Variants in DYRK1B observed in about 807,000 individuals in gnomAD.
The protein encoded by DYRK1B is dual specificity tyrosine-phosphorylation-regulated kinase 1B.
A neutral mutation model predicts 57.1 loss-of-function variants in DYRK1B; 20 were observed. The ratio of observed to expected loss-of-function variants is 0.35; its 90% confidence interval spans 0.25 to 0.51. DYRK1B has a LOEUF of 0.51. DYRK1B is among the 20% of genes least tolerant of loss of function. DYRK1B has a pLI of 0.96. For synonymous variants in DYRK1B, 409 were observed against 384.7 expected, an observed-to-expected ratio of 1.06 and a Z score of -0.74; for missense variants, 732 against 886.3, an observed-to-expected ratio of 0.83 and a Z score of 2.21.
In DYRK1B at chr19:39,831,934, G is replaced by T. The variant is rs949749004; in HGVS notation, c.-67C>A. On this transcript the variant is annotated 5_prime_UTR_variant, in exon 2 of 11. Transcript: ENST00000323039. ...GAGCCCGGCCGGGGGGCGCCTTCTT[G>T]CATCCTGCACCTCGGCTGCCACCGC... The T allele has an allele frequency of 4.9e-6, 7 of 1,436,218 alleles. No homozygotes were observed. In the African/African-American group the frequency reaches 1.0e-4, roughly 21 times the overall value. The allele number at this position is 1,436,218 out of a possible 1,614,324, so 89.0% of individuals were successfully genotyped here.
chr19:39,831,278 C>G (rs970687268), intron 2 of DYRK1B, among the ~76,000 whole-genome samples: 3 of 152,046 alleles, frequency 2.0e-5, no homozygotes, highest in African/African-American at 7.3e-5. Context: ...CCACTTCATC[C>G]TGCTTCAAGC....
chr19:39,832,008 G>A (rs755467496), intron 1 of DYRK1B, 40 bp from the exon 2 acceptor site: 5 of 1,407,328 alleles, frequency 3.6e-6, no homozygotes, highest in Non-Finnish European at 4.6e-6. Context: ...CATGGAACAA[G>A]GGGATATGTG....
chr19:39,828,436 G>A lies in DYRK1B; in HGVS notation c.668C>T (p.Thr223Met), dbSNP rs147484701. The change falls in exon 6 of 11, where the codon ACG becomes ATG. Residue 223 changes from threonine to methionine, a missense_variant. By Grantham distance (81) the Thr-to-Met change is moderately conservative. Transcript: ENST00000323039. This position sits in a 1 kb window ranked among gnomAD's most constrained non-coding sequence, Gnocchi z 4.3. ...LTRKLAQQLC[T>M]ALLFLATPEL... ...AGGCGTGGCCAGAAAGAGCAGTGCCGTGCAGAGCTGCTGCGCCAGCTTCCG... is the reference window on the plus strand; with the variant it reads ...AGGCGTGGCCAGAAAGAGCAGTGCCATGCAGAGCTGCTGCGCCAGCTTCCG... 7.4e-5 allele frequency: 119 copies of A among 1,613,856 alleles called. No homozygotes were observed. The highest frequency in any genetic ancestry group is 6.6e-4 in the Middle Eastern group (4 of 6,062).
Position 39,827,540 on chromosome 19 carries a change from G to GGTGTGC in DYRK1B, c.918_923dup (p.His307_Thr308dup). 1 of 1,614,030 alleles carries GGTGTGC rather than the reference G, an allele frequency of 6.2e-7. No individual in the cohort carries two copies. The highest frequency in any genetic ancestry group is 8.5e-7 in the Non-Finnish European group (1 of 1,179,960). On this transcript the variant is annotated inframe_insertion, in exon 7 of 11. Transcript: ENST00000323039. ...TGGAGCCACTGAAGAGGGGCTCTCC[G>GGTGTGC]GTGTGCATCTCCACAAGGATGCAGC... is the stretch of plus-strand genomic sequence containing the variant.
chr19:39,826,111 T>C lies in DYRK1B; in HGVS notation c.1519-25A>G. On this transcript the variant is annotated intron_variant, in intron 10 of 10. Transcript: ENST00000323039. This position sits in a 1 kb window ranked among gnomAD's most constrained non-coding sequence, Gnocchi z 6.3. ...CCTAAAAAAGCAAAGGAGCCATGGG[T>C]GATGGAGACCCTGGTCTCTAAGCCC... is the stretch of plus-strand genomic sequence containing the variant. 6.5e-7 allele frequency: 1 copy of C among 1,542,054 alleles called. No homozygotes were observed. The highest frequency in any genetic ancestry group is 1.4e-5 in the African/African-American group (1 of 71,766).
intron 8 of DYRK1B, 127 bp downstream of exon 8, chr19:39,827,158 G>C: frequency 7.6e-7 from 1 of 1,319,958 alleles, no homozygotes; most frequent in East Asian, 2.5e-5. Flanking sequence ...AGGGGAGGAA[G>C]GAAAGGACAG....
Position 39,826,730 on chromosome 19 carries a change from C to G in DYRK1B, c.1353G>C (p.Ser451=). Reference sequence around the variant, plus strand: ...AGGGGCAGGTGTCGAGGGGCGCGGGCGAGGTGGAGGCACTGCTGCCTGCCG... The same window carrying G: ...AGGGGCAGGTGTCGAGGGGCGCGGGGGAGGTGGAGGCACTGCTGCCTGCCG... ...TGPAGSSAST[S]PAPLDTCPSS... The change falls in exon 9 of 11, where the codon TCG becomes TCC. Residue 451 remains serine (S), a synonymous_variant. Coordinates refer to ENST00000323039, the MANE Select transcript of DYRK1B (RefSeq NM_004714.3). The surrounding 1 kb of genome is among the most constrained non-coding windows in gnomAD (Gnocchi z 6.3). 6.2e-7 allele frequency: 1 copy of G among 1,600,654 alleles called. No individual in the cohort carries two copies.
chr19:39,826,968 G>C lies in DYRK1B; in HGVS notation c.1115C>G (p.Thr372Arg). The change falls in exon 9 of 11, where the codon ACA becomes AGA. Residue 372 changes from threonine to arginine, a missense_variant. Transcript: ENST00000323039. The surrounding 1 kb of genome is among the most constrained non-coding windows in gnomAD (Gnocchi z 6.3). ...ELRKDYQGPGTRRLQEVLGVQ... is the reference protein window; with the variant it reads ...ELRKDYQGPGRRRLQEVLGVQ... ...GCCCAGCACCTCCTGCAGCCGCCGT[G>C]TCCCGGGGCCCTGGTAATCCTGGCA... is the stretch of plus-strand genomic sequence containing the variant. 6.9e-7 allele frequency: 1 copy of C among 1,446,602 alleles called. No homozygotes were observed. Among genetic ancestry groups the C allele is most frequent in the Non-Finnish European group, 9.0e-7 (1 of 1,109,600 alleles). The allele number at this position is 1,446,602 out of a possible 1,614,324, so 89.6% of individuals were successfully genotyped here. A position where few individuals can be genotyped will look rare whatever the true frequency, so the allele number is the denominator to read the frequency against.
rs1968482274 is a variant in DYRK1B, at chr19:39,825,489, T to C, written c.*226A>G. 2 of 561,970 alleles carry C rather than the reference T, an allele frequency of 3.6e-6. No individual in the cohort carries two copies. Among genetic ancestry groups the C allele is most frequent in the Non-Finnish European group, 6.3e-6 (2 of 317,658 alleles). 34.8% of individuals were successfully genotyped at this position (561,970 alleles called of 1,614,324 possible). The stretch of plus-strand genomic sequence containing the variant: ...CCACCACTGTCTTTGGTACAATAAA[T>C]AGAAAAAAAGGGGGAGAGGGGCCCA... On this transcript the variant is annotated 3_prime_UTR_variant, in exon 11 of 11. Transcript: ENST00000323039.
intron 6 of DYRK1B, 53 bp from the exon 7 acceptor site, chr19:39,827,709 A>C: frequency 6.3e-7 from 1 of 1,587,102 alleles, no homozygotes; most frequent in Non-Finnish European, 8.6e-7. Context: ...GGTCCCACTG[A>C]CACCCCCAAA....
Position 39,828,264 on chromosome 19 carries a change from T to A in DYRK1B, c.807+33A>T. ...GTTGGCTCTGCCCCACCCAAACTAC[T>A]AGCCGTGCTCCCAGGACCGGGCCGC... On this transcript the variant is annotated intron_variant, in intron 6 of 10. Transcript: ENST00000323039. The surrounding 1 kb of genome is among the most constrained non-coding windows in gnomAD (Gnocchi z 4.3). 1 of 1,604,506 alleles carries A rather than the reference T, an allele frequency of 6.2e-7. No individual in the cohort carries two copies. The highest frequency in any genetic ancestry group is 1.1e-5 in the South Asian group (1 of 90,052).
At position 39,826,210 on chromosome 19, in the gene DYRK1B, A is replaced by G; in HGVS notation, c.1488T>C (p.Pro496=). ...GGCTGTTCATCTCACAGTCTGTGAT[A>G]GGGGGCCCAGGGCCCCCACAATATC... ...SNRYCGGPGP[P]ITDCEMNSPQ... is the part of the protein sequence containing the mutation. Residue 496 remains proline (P), a synonymous_variant, in exon 10 of 11, where the codon CCT becomes CCC. Transcript: ENST00000323039. The surrounding 1 kb of genome is among the most constrained non-coding windows in gnomAD (Gnocchi z 6.3). The G allele has an allele frequency of 6.4e-7, 1 of 1,565,924 alleles. No individual in the cohort carries two copies. The highest frequency in any genetic ancestry group is 2.4e-5 in the East Asian group (1 of 41,942).
Position 39,827,666 on chromosome 19 carries a change from G to A in DYRK1B, c.808-10C>T. ...GGATATACTGGTAGATCTGGGAAAA[G>A]GGTAATCGTCAAGGGACCCAGCCTC... On this transcript the variant is annotated splice_polypyrimidine_tract_variant and intron_variant, in intron 6 of 10. Coordinates refer to ENST00000323039, the MANE Select transcript of DYRK1B (RefSeq NM_004714.3). 1.2e-6 allele frequency: 2 copies of A among 1,611,046 alleles called. No homozygotes were observed. Among genetic ancestry groups the A allele is most frequent in the Non-Finnish European group, 1.7e-6 (2 of 1,177,690 alleles).
intron 1 of DYRK1B, among the ~76,000 whole-genome samples, chr19:39,833,811 T>TC (rs1968948360): frequency 6.6e-6 from 1 of 152,036 alleles, no homozygotes; most frequent in South Asian, 2.1e-4. Flanking sequence ...GGCTACCCCC[T>TC]CCCAGCCTCC....
chr19:39,829,966 T>C lies in DYRK1B; in HGVS notation c.434A>G (p.Lys145Arg). Residue 145 changes from lysine to arginine, a missense_variant, in exon 5 of 11, where the codon AAA (lysine) becomes AGA (arginine). Physicochemically the swap from Lys to Arg is conservative, Grantham distance 26. This residue lies in a region of DYRK1B where 510 missense variants were observed against 681.3 expected (regional missense o/e 0.75). Coordinates refer to ENST00000323039, the MANE Select transcript of DYRK1B (RefSeq NM_004714.3). ...CTGGGCCTGGTTCAGGAAAGCCTTT[T>C]TGTTCTTGATGATCTTGATGGCCAC... Reference protein sequence around the residue: ...ELVAIKIIKNKKAFLNQAQIE... With the variant: ...ELVAIKIIKNRKAFLNQAQIE... 2 of 1,614,160 alleles carry C rather than the reference T, an allele frequency of 1.2e-6. No individual in the cohort carries two copies. The highest frequency in any genetic ancestry group is 4.5e-5 in the East Asian group (2 of 44,886).
chr19:39,825,556 T>C lies in DYRK1B; in HGVS notation c.*159A>G. The C allele has an allele frequency of 1.4e-6, 1 of 729,942 alleles. No homozygotes were observed. Among genetic ancestry groups the C allele is most frequent in the Non-Finnish European group, 2.2e-6 (1 of 455,542 alleles). 45.2% of individuals were successfully genotyped at this position (729,942 alleles called of 1,614,324 possible). On this transcript the variant is annotated 3_prime_UTR_variant, in exon 11 of 11. Coordinates refer to ENST00000323039, the MANE Select transcript of DYRK1B (RefSeq NM_004714.3). ...TGGGGAGGGAGCGGCCAAAACCCTC[T>C]CCTTGACCCCCCTGCCCCAGGCCCC...
At position 39,832,043 on chromosome 19, in the gene DYRK1B, G is replaced by A. The variant is rs1361026501; in HGVS notation, c.-101-75C>T. On this transcript the variant is annotated intron_variant, in intron 1 of 10. Coordinates refer to ENST00000323039, the MANE Select transcript of DYRK1B (RefSeq NM_004714.3). ...GAATAGTGCCAGGCGGGGAAGAGTG[G>A]ACATGAGAAAGACAGGGCACAGAGA... The A allele has an allele frequency of 3.7e-6, 5 of 1,353,126 alleles. No individual in the cohort carries two copies. In the African/African-American group the frequency reaches 6.1e-5, roughly 16 times the overall value. The allele number at this position is 1,353,126 out of a possible 1,614,324, so 83.8% of individuals were successfully genotyped here. A position where few individuals can be genotyped will look rare whatever the true frequency, so the allele number is the denominator to read the frequency against.
chr19:39,827,055 A>T, intron 8 of DYRK1B, 68 bp from the exon 9 acceptor site: 2 of 1,291,300 alleles, frequency 1.5e-6, no homozygotes, highest in South Asian at 3.1e-5. Flanking sequence ...GCAGGGAGAC[A>T]CACACGGGGA....
chr19:39,830,267 G>A (rs767239644), intron 4 of DYRK1B, 108 bp downstream of exon 4: 225 of 1,408,892 alleles, frequency 1.6e-4, no homozygotes, highest in Admixed American at 3.6e-4. Context: ...GGGAAACTAA[G>A]TGGGCTAGGG....
Sources: gnomAD v4.1 joint callset for allele counts (sites outside exome capture counted in the v4.1 genomes callset) on GRCh38, gnomAD v4.1.1 for gene constraint, gnomAD v4.1.1 regional missense constraint, Gnocchi (gnomAD v3.1) non-coding constraint, MANE v1.5 for transcripts, NCBI Gene and HGNC (gene_info 2026-07-23, HGNC 2026-07-21) for gene names.